The following SLC25A26 variants were observed in gnomAD, a reference collection of about 807,000 sequenced individuals.
SLC25A26 encodes mitochondrial S-adenosylmethionine carrier protein.
Under a neutral mutation model 37.8 loss-of-function variants are expected in SLC25A26, and 36 were observed. The observed-to-expected ratio is 0.95, with a 90% CI of 0.73 to 1.26. The LOEUF (loss-of-function observed/expected upper bound fraction) is 1.26, where lower values mean the gene tolerates loss of function less well. Among genes scored for constraint, SLC25A26 ranks in the 50% most tolerant of loss-of-function variants. The pLI is 0.00. For synonymous variants in SLC25A26, 129 were observed against 122.5 expected (o/e 1.05, Z -0.35); for missense variants, 390 against 331.1 (o/e 1.18, Z -1.38).
intron 1 of SLC25A26, among the ~76,000 whole-genome samples, chr3:66,231,062 C>T (rs2072003128): frequency 6.6e-6 from 1 of 152,138 alleles, no homozygotes; most frequent in Admixed American, 6.6e-5. Flanking sequence ...GTAGTCTCAG[C>T]TACTCCGGAG....
chr3:66,226,046 C>G (rs1038551466), intron 1 of SLC25A26, among the ~76,000 whole-genome samples: 2 of 152,200 alleles, frequency 1.3e-5, no homozygotes, highest in African/African-American at 4.8e-5. Context: ...TCTGAAGTCG[C>G]TTCCACATTT....
At chr3:66,214,740 A>C (rs948033307) in intron 1 of SLC25A26, among the ~76,000 whole-genome samples, 12 of 152,140 alleles carry the variant, frequency 7.9e-5, no homozygotes, top group Admixed American at 2.0e-4. Flanking sequence ...TTCCCTGTCA[A>C]ATTTATTTTA....
intron 1 of SLC25A26, among the ~76,000 whole-genome samples, chr3:66,153,962 G>A (rs2070242578): frequency 6.6e-6 from 1 of 152,210 alleles, no homozygotes; most frequent in Admixed American, 6.5e-5. Context: ...TGAGATGATA[G>A]GGGAGGAAAA....
rs1343788312 is a variant in SLC25A26 at position 66,209,920 on chromosome 3, A to C, written c.-353-10822A>C. Among the ~76,000 whole-genome samples, 371 of 64,374 alleles carry C rather than the reference A, an allele frequency of 5.8e-3. 54 individuals carry two copies. The highest frequency in any genetic ancestry group is 0.023 in the East Asian group (57 of 2,458). 42.2% of individuals were successfully genotyped at this position (64,374 alleles called of 152,430 possible). A position where few individuals can be genotyped will look rare whatever the true frequency, so the allele number is the denominator to read the frequency against. The stretch of plus-strand genomic sequence containing the variant: ...TATTTATATATATATATATATATAT[A>C]TATATATATATATATATATATATAT... On this transcript the variant is annotated intron_variant, in intron 1 of 10. Transcript: ENST00000676754.
chr3:66,207,037 T>C (rs2071189822), intron 1 of SLC25A26, among the ~76,000 whole-genome samples: 1 of 151,918 alleles, frequency 6.6e-6, no homozygotes, highest in South Asian at 2.1e-4. Flanking sequence ...TCACCTCACC[T>C]GGCCTAGTTA....
At chr3:66,221,236 C>G (rs1208639276) in intron 1 of SLC25A26, 109 bp downstream of exon 1, 3 of 1,211,614 alleles carry the variant, frequency 2.5e-6, no homozygotes, top group African/African-American at 3.2e-5. Context: ...CTGGACTGTC[C>G]TCGGGTTACT....
chr3:66,312,223 C>G (rs568787220), intron 5 of SLC25A26, among the ~76,000 whole-genome samples: 1 of 152,196 alleles, frequency 6.6e-6, no homozygotes, highest in Non-Finnish European at 1.5e-5. Context: ...AGTCTGGCTA[C>G]TGTGGCTTTG....
In SLC25A26 at chr3:66,213,923, C is replaced by T. The variant is rs911151073; in HGVS notation, c.-353-6819C>T. On this transcript the variant is annotated intron_variant, in intron 1 of 10. Coordinates refer to the SLC25A26 transcript ENST00000676754. ...CCAATCTGGGTAACAGAGTGACACT[C>T]CATCTCAAAAAAAAGGTAATTATTC... Among the ~76,000 whole-genome samples the T allele has an allele frequency of 1.4e-4, 22 of 151,760 alleles. 2 individuals carry two copies. The highest frequency in any genetic ancestry group is 6.8e-3 in the Middle Eastern group (2 of 294).
chr3:66,188,115 C>G (rs2070865624), intron 1 of SLC25A26, among the ~76,000 whole-genome samples: 1 of 152,078 alleles, frequency 6.6e-6, no homozygotes, highest in Non-Finnish European at 1.5e-5. Flanking sequence ...AATCTTGATA[C>G]AAACCCTAAC....
chr3:66,235,538 GT>G (rs1462377890), intron 1 of SLC25A26, among the ~76,000 whole-genome samples: 9 of 152,222 alleles, frequency 5.9e-5, no homozygotes, highest in African/African-American at 2.2e-4. Context: ...AGAGAATACT[GT>G]ATGAGTCCTT....
chr3:66,305,265 GAC>G (rs1408429777), intron 5 of SLC25A26, among the ~76,000 whole-genome samples: 1 of 152,102 alleles, frequency 6.6e-6, no homozygotes, highest in Non-Finnish European at 1.5e-5. Context: ...ATAATTTAAA[GAC>G]AACAGGAGAA....
chr3:66,337,134 A>G (rs2076108477), intron 5 of SLC25A26, among the ~76,000 whole-genome samples: 1 of 152,126 alleles, frequency 6.6e-6, no homozygotes, highest in African/African-American at 2.4e-5. Flanking sequence ...ACAGTCACTC[A>G]CTTCAACTGT....
chr3:66,262,371 G>A (rs986036223), intron 4 of SLC25A26, among the ~76,000 whole-genome samples: 31 of 152,152 alleles, frequency 2.0e-4, no homozygotes, highest in African/African-American at 7.2e-4. Flanking sequence ...ATAACATTGA[G>A]TGTCCTGAAT....
chr3:66,281,490 C>G (rs1576785841), intron 5 of SLC25A26, among the ~76,000 whole-genome samples: 1 of 152,138 alleles, frequency 6.6e-6, no homozygotes, highest in Non-Finnish European at 1.5e-5. Context: ...AATTTGTTAG[C>G]TGGCATTCTT....
At chr3:66,325,891 G>C (rs950040535) in intron 5 of SLC25A26, among the ~76,000 whole-genome samples, 1 of 152,188 alleles carries the variant, frequency 6.6e-6, no homozygotes, top group Non-Finnish European at 1.5e-5. Context: ...CTGGAGAATG[G>C]ATCGTGGTAG....
chr3:66,314,978 A>T (rs1191058067), intron 5 of SLC25A26, among the ~76,000 whole-genome samples: 1 of 149,574 alleles, frequency 6.7e-6, no homozygotes, highest in African/African-American at 2.5e-5. Context: ...TATCCCCTTT[A>T]TCACTTTTTA....
At chr3:66,322,574 TATTTGTTTCCCACA>T (rs772225324) in intron 5 of SLC25A26, among the ~76,000 whole-genome samples, 23 of 152,252 alleles carry the variant, frequency 1.5e-4, no homozygotes, top group Non-Finnish European at 2.5e-4. Flanking sequence ...TTTAGGACTT[TATTTGTTTCCCACA>T]ATTTTCTGCA....
intron 4 of SLC25A26, among the ~76,000 whole-genome samples, chr3:66,262,745 A>G (rs1344813601): frequency 6.6e-6 from 1 of 152,226 alleles, no homozygotes; most frequent in African/African-American, 2.4e-5. Context: ...TGTGTTACAT[A>G]GGTGAGGAGA....
intron 5 of SLC25A26, among the ~76,000 whole-genome samples, chr3:66,279,945 A>G (rs1475005816): frequency 6.6e-6 from 1 of 152,176 alleles, no homozygotes; most frequent in Non-Finnish European, 1.5e-5. Context: ...GTAAATGACA[A>G]ACATGTCATT....
Sources: allele counts gnomAD v4.1 joint callset (sites outside exome capture counted in the v4.1 genomes callset), GRCh38; gene constraint gnomAD v4.1.1; transcripts MANE v1.5; gene names NCBI Gene and HGNC (gene_info 2026-07-23, HGNC 2026-07-21).